The following RASL10B variants were observed in gnomAD, a reference collection of about 807,000 sequenced individuals.
The protein encoded by RASL10B is ras-like protein family member 10B.
Under a neutral mutation model 20.7 loss-of-function variants are expected in RASL10B, and 10 were observed. The ratio of observed to expected loss-of-function variants is 0.48; its 90% confidence interval spans 0.30 to 0.82. The LOEUF (loss-of-function observed/expected upper bound fraction) is 0.82, where lower values mean the gene tolerates loss of function less well. Ranked by LOEUF, RASL10B falls within the 40% of genes least tolerant of loss-of-function variation. RASL10B has a pLI of 0.07. For synonymous variants in RASL10B, 110 were observed against 123.3 expected (o/e 0.89, Z 0.72); for missense variants, 231 against 295.4 (o/e 0.78, Z 1.60).
rs2085638911 is a variant in RASL10B at position 35,742,906 on chromosome 17, C to T, written c.*1601C>T. ...TCGTGGGTGGGGAATTTATCACCAA[C>T]ATCCATTGTAGGGGGAATCTATGAT... is the stretch of plus-strand genomic sequence containing the variant. On this transcript the variant is annotated 3_prime_UTR_variant, in exon 4 of 4. Coordinates refer to ENST00000603017, the MANE Select transcript of RASL10B (RefSeq NM_033315.4). 6.6e-6 allele frequency: 1 copy of T among 152,350 alleles called. No individual in the cohort carries two copies. The highest frequency in any genetic ancestry group is 2.4e-5 in the African/African-American group (1 of 41,464). 9.4% of individuals were successfully genotyped at this position (152,350 alleles called of 1,614,324 possible).
At chr17:35,737,110 CTT>C (rs2085598137) in intron 2 of RASL10B, 3 of 152,234 alleles carry the variant, frequency 2.0e-5, no homozygotes, top group African/African-American at 7.2e-5. Flanking sequence ...TTCTTCCCTG[CTT>C]CTTACGTAAA....
At chr17:35,740,942 T>G in intron 3 of RASL10B, 93 bp from the exon 4 acceptor site, 1 of 1,032,688 alleles carries the variant, frequency 9.7e-7, no homozygotes, top group Non-Finnish European at 1.4e-6. Context: ...GAACCTACGG[T>G]GGTGGTAGTA....
chr17:35,737,746 AC>A (rs1255485632), intron 2 of RASL10B, among the ~76,000 whole-genome samples: 12 of 151,984 alleles, frequency 7.9e-5, no homozygotes, highest in African/African-American at 2.4e-4. Flanking sequence ...TACCAAAAAT[AC>A]AAAAAATTAG....
At position 35,741,353 on chromosome 17, in the gene RASL10B, G is replaced by A. The variant is rs587687746; in HGVS notation, c.*48G>A. The A allele has an allele frequency of 1.1e-3, 1,520 of 1,387,902 alleles. 4 individuals carry two copies. The highest frequency in any genetic ancestry group is 2.6e-3 in the South Asian group (164 of 62,214). 86.0% of individuals were successfully genotyped at this position (1,387,902 alleles called of 1,614,324 possible). A position where few individuals can be genotyped will look rare whatever the true frequency, so the allele number is the denominator to read the frequency against. ...CACCGGCACTGGCCGAGCGGAGGGCGGGGCCGTACTGCGGGGCTGGGGCGG... is the reference window on the plus strand; with the variant it reads ...CACCGGCACTGGCCGAGCGGAGGGCAGGGCCGTACTGCGGGGCTGGGGCGG... On this transcript the variant is annotated 3_prime_UTR_variant, in exon 4 of 4. Transcript: ENST00000603017.
Position 35,740,450 on chromosome 17 carries a change from C to T in RASL10B, c.258C>T (p.His86=), listed in dbSNP as rs782677059. 8.7e-5 allele frequency: 141 copies of T among 1,613,894 alleles called. No homozygotes were observed. Among genetic ancestry groups the T allele is most frequent in the Non-Finnish European group, 1.1e-4 (135 of 1,179,978 alleles). The change falls in exon 3 of 4, where the codon CAC becomes CAT. Residue 86 remains histidine, a synonymous_variant. Transcript: ENST00000603017. The part of the protein sequence containing the change: ...DTCCRGLRSV[H]AYILVYDICC... Reference sequence around the variant, plus strand: ...GCTGCAGGGGACTCCGGAGTGTCCACGCCTACATCCTGGTCTACGACATCT... The same window carrying T: ...GCTGCAGGGGACTCCGGAGTGTCCATGCCTACATCCTGGTCTACGACATCT...
chr17:35,734,629 C>T (rs1555596821), intron 1 of RASL10B, among the ~76,000 whole-genome samples: 1 of 152,176 alleles, frequency 6.6e-6, no homozygotes, highest in Admixed American at 6.5e-5. Context: ...ATCGAGTTCT[C>T]TCCCCACAAA....
At position 35,735,151 on chromosome 17, in the gene RASL10B, G is replaced by A. The variant is rs782725079; in HGVS notation, c.-34G>A. 1.8e-5 allele frequency: 29 copies of A among 1,590,224 alleles called. No individual in the cohort carries two copies. The highest frequency in any genetic ancestry group is 2.2e-5 in the East Asian group (1 of 44,566). On this transcript the variant is annotated 5_prime_UTR_variant, in exon 2 of 4. Transcript: ENST00000603017. This position sits in a 1 kb window ranked among gnomAD's most constrained non-coding sequence, Gnocchi z 6.7. ...GCAGCCCGGGGGAGCCCCAGACAGC[G>A]GCAAGGACGAGGTGGCGGAGTGGGG...
At chr17:35,740,650 C>A in intron 3 of RASL10B, 117 bp downstream of exon 3, 1 of 1,219,300 alleles carries the variant, frequency 8.2e-7, no homozygotes, top group Non-Finnish European at 1.1e-6. Flanking sequence ...TCTAAGATTT[C>A]CACACATACA....
At position 35,735,044 on chromosome 17, in the gene RASL10B, T is replaced by TA; in HGVS notation, c.-141_-140insA. The TA allele has an allele frequency of 1.2e-6, 1 of 801,034 alleles. No individual in the cohort carries two copies. The allele number at this position is 801,034 out of a possible 1,614,324, so 49.6% of individuals were successfully genotyped here. On this transcript the variant is annotated 5_prime_UTR_variant, in exon 2 of 4. Coordinates refer to ENST00000603017, the MANE Select transcript of RASL10B (RefSeq NM_033315.4). The surrounding 1 kb of genome is among the most constrained non-coding windows in gnomAD (Gnocchi z 6.7). ...CCACCTCTTGTCCCCACAGTCCAGG[T>TA]GGAGGCCGCAGAGGGCCCAGGGCAA...
chr17:35,740,671 C>A lies in RASL10B; in HGVS notation c.341+138C>A, dbSNP rs146902414. ...ATTTCCACACATACACTCAAACATGCATACATTGTGCTGTTCCCATTTCTG... is the reference window on the plus strand; with the variant it reads ...ATTTCCACACATACACTCAAACATGAATACATTGTGCTGTTCCCATTTCTG... On this transcript the variant is annotated intron_variant, in intron 3 of 3. Coordinates refer to ENST00000603017, the MANE Select transcript of RASL10B (RefSeq NM_033315.4). 1.1e-3 allele frequency: 1,181 copies of A among 1,085,822 alleles called. 14 individuals carry two copies. The African/African-American group carries it at 0.016, about 15-fold the overall frequency. The allele number at this position is 1,085,822 out of a possible 1,614,324, so 67.3% of individuals were successfully genotyped here. A position where few individuals can be genotyped will look rare whatever the true frequency, so the allele number is the denominator to read the frequency against.
chr17:35,741,483 C>A lies in RASL10B; in HGVS notation c.*178C>A. 1.1e-6 allele frequency: 1 copy of A among 950,404 alleles called. No homozygotes were observed. Among genetic ancestry groups the A allele is most frequent in the Non-Finnish European group, 1.4e-6 (1 of 697,198 alleles). The allele number at this position is 950,404 out of a possible 1,614,324, so 58.9% of individuals were successfully genotyped here. A position where few individuals can be genotyped will look rare whatever the true frequency, so the allele number is the denominator to read the frequency against. On this transcript the variant is annotated 3_prime_UTR_variant, in exon 4 of 4. Transcript: ENST00000603017. The stretch of plus-strand genomic sequence containing the variant: ...GCGAGAGGGAGCCCTCCGTAACTGC[C>A]CAGCCCTGCCCCTTGCCCCCGTGGC...
At chr17:35,732,424 G>C (rs587728948) in intron 1 of RASL10B, among the ~76,000 whole-genome samples, 1 of 152,358 alleles carries the variant, frequency 6.6e-6, no homozygotes, top group East Asian at 1.9e-4. Context: ...AAAGCGCTCA[G>C]GGGCCTGGGC....
In RASL10B at chr17:35,735,325, C is replaced by T. The variant is rs782122954; in HGVS notation, c.141C>T (p.Val47=). 1.2e-6 allele frequency: 2 copies of T among 1,614,208 alleles called. No individual in the cohort carries two copies. Among genetic ancestry groups the T allele is most frequent in the Admixed American group, 3.3e-5 (2 of 60,036 alleles). Residue 47 remains valine (V), a synonymous_variant, in exon 2 of 4, where the codon GTC becomes GTT. Transcript: ENST00000603017. The surrounding 1 kb of genome is among the most constrained non-coding windows in gnomAD (Gnocchi z 6.7). ...TARRLYLPAV[V]MNGHVHDLQI... ...GCCGCCTTTACCTGCCTGCTGTCGTCATGAACGGCCACGTGCACGACCTCC... is the reference window on the plus strand; with the variant it reads ...GCCGCCTTTACCTGCCTGCTGTCGTTATGAACGGCCACGTGCACGACCTCC...
intron 2 of RASL10B, among the ~76,000 whole-genome samples, chr17:35,736,238 A>G (rs1303376123): frequency 6.6e-6 from 1 of 152,236 alleles, no homozygotes; most frequent in East Asian, 1.9e-4. Context: ...GCTCTAGGAC[A>G]TGTTTGCTCA....
At chr17:35,740,678 T>A in intron 3 of RASL10B, 145 bp downstream of exon 3, 1 of 1,057,166 alleles carries the variant, frequency 9.5e-7, no homozygotes, top group Non-Finnish European at 1.4e-6. Context: ...ATGCATACAT[T>A]GTGCTGTTCC....
chr17:35,733,568 C>A (rs188536684), intron 1 of RASL10B, among the ~76,000 whole-genome samples: 162 of 152,302 alleles, frequency 1.1e-3, no homozygotes, highest in Non-Finnish European at 1.7e-3. Flanking sequence ...GAAGTATGCA[C>A]CCATGCGGAA....
rs1369276757 is a variant in RASL10B at position 35,741,061 on chromosome 17, T to A, written c.368T>A (p.Ile123Asn). The A allele has an allele frequency of 6.2e-7, 1 of 1,607,662 alleles. No individual in the cohort carries two copies. Among genetic ancestry groups the A allele is most frequent in the Non-Finnish European group, 8.5e-7 (1 of 1,175,702 alleles). The change falls in exon 4 of 4, where the codon ATC (isoleucine) becomes AAC (asparagine). Residue 123 changes from isoleucine (I) to asparagine (N), a missense_variant. Ile to Asn is a moderately radical substitution (Grantham distance 149, BLOSUM62 -3). Coordinates refer to ENST00000603017, the MANE Select transcript of RASL10B (RefSeq NM_033315.4). The part of the protein sequence containing the change: ...TRVIGTSETP[I>N]IIVGNKRDLQ... Reference sequence around the variant, plus strand: ...GTGATCGGAACCTCAGAGACGCCCATCATCATCGTGGGCAACAAGCGGGAC... The same window carrying A: ...GTGATCGGAACCTCAGAGACGCCCAACATCATCGTGGGCAACAAGCGGGAC...
intron 1 of RASL10B, among the ~76,000 whole-genome samples, chr17:35,734,032 C>G (rs990527380): frequency 2.0e-5 from 3 of 152,218 alleles, no homozygotes; most frequent in African/African-American, 4.8e-5. Flanking sequence ...CGGTGACTCA[C>G]GCCTGTAATC....
At chr17:35,736,352 G>A (rs2085591551) in intron 2 of RASL10B, among the ~76,000 whole-genome samples, 1 of 152,230 alleles carries the variant, frequency 6.6e-6, no homozygotes, top group African/African-American at 2.4e-5. Flanking sequence ...AGGTGTAACT[G>A]AGCAAATCAA....
Sources: allele counts gnomAD v4.1 joint callset (sites outside exome capture counted in the v4.1 genomes callset), GRCh38; gene constraint gnomAD v4.1.1; non-coding constraint Gnocchi (gnomAD v3.1); transcripts MANE v1.5; gene names NCBI Gene and HGNC (gene_info 2026-07-23, HGNC 2026-07-21).